GAB1: variants seen among roughly 807,000 people sequenced by gnomAD.
GAB1 encodes GRB2-associated-binding protein 1.
GAB1 carries 19 observed loss-of-function variants against 66.5 expected under a neutral mutation model. The ratio of observed to expected loss-of-function variants is 0.29; its 90% CI spans 0.20 to 0.42. The LOEUF (loss-of-function observed/expected upper bound fraction) is 0.42. Among genes scored for constraint, GAB1 ranks in the 10% least tolerant of loss-of-function variants. The probability of loss-of-function intolerance (pLI) is 1.00; values close to 1 mark genes in which losing one functional copy is unlikely to be tolerated. For missense variants in GAB1, 732 were observed against 858.5 expected (o/e 0.85, Z 1.84); for synonymous variants, 294 against 301.4 (o/e 0.98, Z 0.25).
intron 1 of GAB1, chr4:143,395,581 A>T (rs1419061443): frequency 4.2e-6 from 1 of 240,720 alleles, no homozygotes; most frequent in East Asian, 1.4e-4. Context: ...GAACGATAGG[A>T]TTGTTAGATG....
chr4:143,400,297 A>G (rs1051789344), intron 1 of GAB1, among the ~76,000 whole-genome samples: 20 of 152,168 alleles, frequency 1.3e-4, no homozygotes, highest in African/African-American at 4.8e-4. Flanking sequence ...AGAGCAGCAA[A>G]GAGAAAGAGC....
At chr4:143,347,352 T>C (rs1028773909) in intron 1 of GAB1, among the ~76,000 whole-genome samples, 6 of 152,262 alleles carry the variant, frequency 3.9e-5, no homozygotes, top group Non-Finnish European at 8.8e-5. Flanking sequence ...CCAGTTTTAC[T>C]TTCTATGATT....
chr4:143,460,509 C>T, intron 8 of GAB1, 22 bp downstream of exon 8: 3 of 1,611,452 alleles, frequency 1.9e-6, no homozygotes, highest in Non-Finnish European at 2.5e-6. Context: ...TTTAACTTTT[C>T]CCTTTCTGAG....
chr4:143,380,308 A>G (rs71610438), intron 1 of GAB1, among the ~76,000 whole-genome samples: 4,408 of 152,192 alleles, frequency 0.029, 73 homozygotes, highest in South Asian at 0.059. Context: ...TTCTTAGCCA[A>G]GCTATAAAAT....
At chr4:143,392,361 TGTG>T (rs1213521620) in intron 1 of GAB1, among the ~76,000 whole-genome samples, 13 of 152,250 alleles carry the variant, frequency 8.5e-5, no homozygotes, top group Non-Finnish European at 1.3e-4. Flanking sequence ...AAGTATATGA[TGTG>T]GTGGAGTTGA....
rs1008355713 is a variant in GAB1 at position 143,471,214 on chromosome 4, T to C, written c.*2025T>C. On this transcript the variant is annotated 3_prime_UTR_variant, in exon 10 of 10. Transcript: ENST00000262994. ...TAAAGCACTTAATGAATGTTTTTAG[T>C]CTAACTTATCATTAACTTTTTACAA... 2.6e-5 allele frequency: 4 copies of C among 152,178 alleles called. No homozygotes were observed. Among genetic ancestry groups the C allele is most frequent in the African/African-American group, 9.6e-5 (4 of 41,458 alleles). 9.4% of individuals were successfully genotyped at this position (152,178 alleles called of 1,614,324 possible). A position where few individuals can be genotyped will look rare whatever the true frequency, so the allele number is the denominator to read the frequency against.
chr4:143,464,073 G>T (rs1411027718), intron 8 of GAB1, among the ~76,000 whole-genome samples: 1 of 152,120 alleles, frequency 6.6e-6, no homozygotes, highest in African/African-American at 2.4e-5. Context: ...ACTCATGGCT[G>T]ATTTTATGTG....
chr4:143,421,034 A>G (rs187403656), intron 2 of GAB1, among the ~76,000 whole-genome samples: 28 of 152,166 alleles, frequency 1.8e-4, no homozygotes. Flanking sequence ...TGCCCCTCAG[A>G]TTAAGAATGG....
chr4:143,454,763 T>G (rs1735093776), intron 6 of GAB1, among the ~76,000 whole-genome samples: 1 of 152,176 alleles, frequency 6.6e-6, no homozygotes, highest in Non-Finnish European at 1.5e-5. Context: ...TGACCCAATT[T>G]GTATAATCAA....
intron 1 of GAB1, among the ~76,000 whole-genome samples, chr4:143,372,410 T>C (rs879858171): frequency 6.6e-6 from 1 of 152,236 alleles, no homozygotes; most frequent in Non-Finnish European, 1.5e-5. Context: ...TATTCAGCTG[T>C]GAACAAGACA....
At chr4:143,461,195 G>T (rs1279605245) in intron 8 of GAB1, among the ~76,000 whole-genome samples, 1 of 152,128 alleles carries the variant, frequency 6.6e-6, no homozygotes, top group African/African-American at 2.4e-5. Flanking sequence ...CCTTAAGTCA[G>T]ATTTAATGTT....
chr4:143,423,950 A>C (rs1733192104), intron 2 of GAB1, among the ~76,000 whole-genome samples: 1 of 151,078 alleles, frequency 6.6e-6, no homozygotes, highest in Admixed American at 6.6e-5. Context: ...AGGGTAAGAC[A>C]CTTCTGTCAT....
At chr4:143,389,120 C>T (rs1731057737) in intron 1 of GAB1, among the ~76,000 whole-genome samples, 1 of 152,254 alleles carries the variant, frequency 6.6e-6, no homozygotes, top group African/African-American at 2.4e-5. Flanking sequence ...ATTTTCACAG[C>T]TTCATCTTTC....
intron 1 of GAB1, among the ~76,000 whole-genome samples, chr4:143,341,973 A>G (rs1728836947): frequency 6.6e-6 from 1 of 152,212 alleles, no homozygotes; most frequent in South Asian, 2.1e-4. Flanking sequence ...GTGACTGAAT[A>G]AGCATAATTA....
intron 2 of GAB1, among the ~76,000 whole-genome samples, chr4:143,424,087 C>G (rs1733197743): frequency 6.6e-6 from 1 of 151,788 alleles, no homozygotes; most frequent in African/African-American, 2.4e-5. Context: ...AGTGTATAGC[C>G]ATGAAGTTTA....
At chr4:143,367,437 T>C (rs763766107) in intron 1 of GAB1, among the ~76,000 whole-genome samples, 1 of 152,142 alleles carries the variant, frequency 6.6e-6, no homozygotes, top group Non-Finnish European at 1.5e-5. Context: ...AGAACATATG[T>C]TGGTGAAACG....
Position 143,464,012 on chromosome 4 carries a change from G to A in GAB1, c.1804-2091G>A, listed in dbSNP as rs976018384. Among the ~76,000 whole-genome samples the A allele has an allele frequency of 3.9e-5, 6 of 152,156 alleles. 1 individual carries two copies. The South Asian group carries it at 1.2e-3, about 32-fold the overall frequency. Reference sequence around the variant, plus strand: ...TCTAGATATTTCTAATCAGAGAAATGGAGGGTATGGGTCTTTCATTGATCA... The same window carrying A: ...TCTAGATATTTCTAATCAGAGAAATAGAGGGTATGGGTCTTTCATTGATCA... On this transcript the variant is annotated intron_variant, in intron 8 of 9. Coordinates refer to ENST00000262994, the MANE Select transcript of GAB1 (RefSeq NM_002039.4).
chr4:143,456,455 T>TG (rs1735197776), intron 6 of GAB1, among the ~76,000 whole-genome samples: 1 of 63,222 alleles, frequency 1.6e-5, no homozygotes, highest in Non-Finnish European at 2.9e-5. Context: ...AGACTCCGTC[T>TG]CAAAAAAAAA....
chr4:143,362,279 G>A (rs1355036574), intron 1 of GAB1, among the ~76,000 whole-genome samples: 1 of 152,054 alleles, frequency 6.6e-6, no homozygotes, highest in Non-Finnish European at 1.5e-5. Context: ...CAGTATTTTC[G>A]TAATAGCAGC....
Sources: gnomAD v4.1 joint callset for allele counts (sites outside exome capture counted in the v4.1 genomes callset) on GRCh38, gnomAD v4.1.1 for gene constraint, MANE v1.5 for transcripts, NCBI Gene and HGNC (gene_info 2026-07-23, HGNC 2026-07-21) for gene names.